The following ADAMTSL3 variants were observed in gnomAD, a reference collection of about 807,000 sequenced individuals.
ADAMTSL3 encodes the protein ADAMTS-like protein 3.
In ADAMTSL3, 128 loss-of-function variants were observed where a neutral mutation model predicts 201.7. The ratio of observed to expected loss-of-function variants is 0.63; its 90% confidence interval spans 0.55 to 0.73. The LOEUF (loss-of-function observed/expected upper bound fraction) is 0.73. ADAMTSL3 is among the 30% of genes least tolerant of loss of function. ADAMTSL3 has a pLI of 0.00. For synonymous variants in ADAMTSL3, 738 were observed against 748.4 expected, an observed-to-expected ratio of 0.99 and a Z score of 0.23; for missense variants, 1,990 against 2,119.6, an observed-to-expected ratio of 0.94 and a Z score of 1.20.
At chr15:83,866,683 G>A (rs377177072) in intron 8 of ADAMTSL3, among the ~76,000 whole-genome samples, 10 of 152,024 alleles carry the variant, frequency 6.6e-5, no homozygotes, top group Admixed American at 2.6e-4. Context: ...TGTGTGCAGC[G>A]CACCAACATG....
At chr15:83,852,083 T>G (rs557911583) in intron 7 of ADAMTSL3, among the ~76,000 whole-genome samples, 4 of 152,180 alleles carry the variant, frequency 2.6e-5, no homozygotes, top group African/African-American at 9.6e-5. Flanking sequence ...TTCACTGAGG[T>G]TTTTTTGCCT....
intron 2 of ADAMTSL3, among the ~76,000 whole-genome samples, chr15:83,671,228 G>A (rs535699586): frequency 6.6e-6 from 1 of 152,046 alleles, no homozygotes; most frequent in Non-Finnish European, 1.5e-5. Flanking sequence ...TGTTTAAATT[G>A]CACAGAAATA....
intron 5 of ADAMTSL3, among the ~76,000 whole-genome samples, chr15:83,807,282 C>T (rs1373202356): frequency 1.3e-5 from 2 of 151,942 alleles, no homozygotes; most frequent in Admixed American, 1.3e-4. Context: ...TAGTGAAACT[C>T]CATCTCTACT....
intron 4 of ADAMTSL3, among the ~76,000 whole-genome samples, chr15:83,774,799 T>C (rs2063043373): frequency 6.6e-6 from 1 of 151,858 alleles, no homozygotes; most frequent in African/African-American, 2.4e-5. Context: ...ATATTTATTC[T>C]GCCAAGGAGG....
At chr15:83,902,882 C>G (rs1421120992) in intron 15 of ADAMTSL3, among the ~76,000 whole-genome samples, 1 of 152,076 alleles carries the variant, frequency 6.6e-6, no homozygotes, top group Non-Finnish European at 1.5e-5. Context: ...AAATTGCAAA[C>G]CTATTTAAAA....
At chr15:83,768,165 A>C (rs1243963932) in intron 3 of ADAMTSL3, among the ~76,000 whole-genome samples, 1 of 152,214 alleles carries the variant, frequency 6.6e-6, no homozygotes, top group Non-Finnish European at 1.5e-5. Context: ...GAGGAAAAAC[A>C]ATTGCTTACC....
chr15:83,769,140 A>C (rs1179019865), intron 3 of ADAMTSL3, among the ~76,000 whole-genome samples: 1 of 152,152 alleles, frequency 6.6e-6, no homozygotes, highest in Non-Finnish European at 1.5e-5. Flanking sequence ...ATGGAAAGAA[A>C]CCTGATTCTA....
At chr15:83,904,934 C>T (rs2141935014) in intron 15 of ADAMTSL3, among the ~76,000 whole-genome samples, 1 of 152,314 alleles carries the variant, frequency 6.6e-6, no homozygotes, top group Middle Eastern at 3.4e-3. Flanking sequence ...TTTCTAACAA[C>T]AACAATGATA....
intron 7 of ADAMTSL3, among the ~76,000 whole-genome samples, chr15:83,843,607 TG>T (rs2064430241): frequency 6.6e-6 from 1 of 152,018 alleles, no homozygotes; most frequent in South Asian, 2.1e-4. Context: ...TGTCTCCCCC[TG>T]AGTGTGCATC....
intron 7 of ADAMTSL3, among the ~76,000 whole-genome samples, chr15:83,852,531 G>A (rs564718916): frequency 7.2e-5 from 11 of 152,314 alleles, no homozygotes; most frequent in African/African-American, 2.2e-4. Flanking sequence ...TTTTGTGCAA[G>A]CATGTCTTTA....
At chr15:83,839,890 A>G (rs1596301712) in intron 7 of ADAMTSL3, among the ~76,000 whole-genome samples, 1 of 152,178 alleles carries the variant, frequency 6.6e-6, no homozygotes, top group African/African-American at 2.4e-5. Context: ...ATTCTCTCCA[A>G]AATTTTCACC....
At chr15:83,907,384 G>T (rs763420409) in intron 15 of ADAMTSL3, among the ~76,000 whole-genome samples, 4 of 151,988 alleles carry the variant, frequency 2.6e-5, no homozygotes, top group Non-Finnish European at 5.9e-5. Context: ...GAATAAATTG[G>T]CATTGTTTTG....
chr15:83,753,408 G>C (rs560451422), intron 3 of ADAMTSL3, among the ~76,000 whole-genome samples: 14 of 152,252 alleles, frequency 9.2e-5, no homozygotes, highest in African/African-American at 3.4e-4. Context: ...CAGAAGGAGA[G>C]GTATGAGATA....
intron 19 of ADAMTSL3, among the ~76,000 whole-genome samples, chr15:83,946,779 G>T (rs1596453369): frequency 6.6e-6 from 1 of 152,196 alleles, no homozygotes; most frequent in Non-Finnish European, 1.5e-5. Flanking sequence ...AGCTGGTTTG[G>T]ACTGGAGGCT....
chr15:83,766,471 T>C (rs1468991716), intron 3 of ADAMTSL3, among the ~76,000 whole-genome samples: 1 of 152,048 alleles, frequency 6.6e-6, no homozygotes, highest in Non-Finnish European at 1.5e-5. Flanking sequence ...CTACTTGCAA[T>C]ATAGAGGGGG....
chr15:83,850,518 A>T (rs924774434), intron 7 of ADAMTSL3, among the ~76,000 whole-genome samples: 5 of 111,630 alleles, frequency 4.5e-5, no homozygotes, highest in African/African-American at 1.3e-4. Flanking sequence ...TTTTTAAATT[A>T]TATATATATA....
chr15:84,022,797 T>C lies in ADAMTSL3; in HGVS notation c.4457+1204T>C, dbSNP rs572357685. Among the ~76,000 whole-genome samples the C allele has an allele frequency of 7.9e-5, 12 of 152,288 alleles. No individual in the cohort carries two copies. The East Asian group carries it at 2.3e-3, about 29-fold the overall frequency. The stretch of plus-strand genomic sequence containing the variant: ...TCGCTTGTCTCTCCCACACTGGTTA[T>C]TTGATCTCCTTCCATGCTGGTCTTT... On this transcript the variant is annotated intron_variant, in intron 26 of 29. Coordinates refer to ENST00000286744, the MANE Select transcript of ADAMTSL3 (RefSeq NM_207517.3).
At chr15:83,660,039 C>T (rs2061141051) in intron 2 of ADAMTSL3, among the ~76,000 whole-genome samples, 2 of 152,028 alleles carry the variant, frequency 1.3e-5, no homozygotes, top group South Asian at 4.1e-4. Flanking sequence ...GTTACAGCAC[C>T]AAGAGGAAAC....
At chr15:83,741,034 T>C (rs2062446580) in intron 3 of ADAMTSL3, among the ~76,000 whole-genome samples, 1 of 152,078 alleles carries the variant, frequency 6.6e-6, no homozygotes, top group South Asian at 2.1e-4. Context: ...GTATTTCCTA[T>C]GTAATATTAG....
Sources: gnomAD v4.1 joint callset for allele counts (sites outside exome capture counted in the v4.1 genomes callset) on GRCh38, gnomAD v4.1.1 for gene constraint, MANE v1.5 for transcripts, NCBI Gene and HGNC (gene_info 2026-07-23, HGNC 2026-07-21) for gene names.